Variants in NRXN1 observed in about 807,000 individuals in gnomAD.
NRXN1 encodes neurexin 1, also known as neurexin-1.
NRXN1 carries 39 observed loss-of-function variants against 150.9 expected under a neutral mutation model. That is an observed-to-expected ratio of 0.26 (90% confidence interval 0.20 to 0.34). The LOEUF is 0.34. Ranked by LOEUF, NRXN1 falls within the 10% of genes least tolerant of loss-of-function variation. The pLI is 1.00. For synonymous variants in NRXN1, 924 were observed against 757.0 expected, an observed-to-expected ratio of 1.22 and a Z score of -3.62; for missense variants, 1,815 against 1,949.9, an observed-to-expected ratio of 0.93 and a Z score of 1.30.
chr2:50,706,783 A>T (rs147325573), intron 5 of NRXN1, among the ~76,000 whole-genome samples: 1 of 152,008 alleles, frequency 6.6e-6, no homozygotes, highest in Non-Finnish European at 1.5e-5. Flanking sequence ...GGCAACCAAT[A>T]TAAGTCATAT....
chr2:50,649,903 A>G (rs2104548328), intron 5 of NRXN1, among the ~76,000 whole-genome samples: 1 of 151,954 alleles, frequency 6.6e-6, no homozygotes, highest in East Asian at 1.9e-4. Flanking sequence ...ATGAAGAAAA[A>G]CGAAGCAGCT....
intron 17 of NRXN1, among the ~76,000 whole-genome samples, chr2:50,253,626 T>G (rs1182535295): frequency 6.6e-6 from 1 of 152,210 alleles, no homozygotes; most frequent in Non-Finnish European, 1.5e-5. Context: ...CGTAAAGGGA[T>G]GCTGAATTTT....
At chr2:50,173,511 T>C (rs1002183434) in intron 18 of NRXN1, among the ~76,000 whole-genome samples, 2 of 152,132 alleles carry the variant, frequency 1.3e-5, no homozygotes, top group African/African-American at 4.8e-5. Context: ...CAACGTTCAT[T>C]CAGCCCACAA....
At chr2:50,378,385 T>C (rs1214577288) in intron 17 of NRXN1, among the ~76,000 whole-genome samples, 1 of 152,176 alleles carries the variant, frequency 6.6e-6, no homozygotes, top group Non-Finnish European at 1.5e-5. Flanking sequence ...GCACTTGATC[T>C]ATGGAACACA....
At chr2:50,788,318 G>A (rs545668739) in intron 5 of NRXN1, among the ~76,000 whole-genome samples, 1 of 152,072 alleles carries the variant, frequency 6.6e-6, no homozygotes, top group African/African-American at 2.4e-5. Context: ...TCAATCTCCT[G>A]ACCTCGTGAT....
At chr2:50,744,543 G>T (rs1427486227) in intron 5 of NRXN1, among the ~76,000 whole-genome samples, 2 of 151,770 alleles carry the variant, frequency 1.3e-5, no homozygotes, top group African/African-American at 4.8e-5. Flanking sequence ...TTCATATGCG[G>T]GTATATGGAC....
At chr2:49,973,800 A>G in intron 21 of NRXN1, 1 of 579,064 alleles carries the variant, frequency 1.7e-6, no homozygotes, top group South Asian at 2.3e-5. Context: ...CATAAATTTG[A>G]CATGCAATCT....
chr2:50,736,504 C>T (rs1011387025), intron 5 of NRXN1, among the ~76,000 whole-genome samples: 5 of 152,142 alleles, frequency 3.3e-5, no homozygotes, highest in African/African-American at 1.2e-4. Flanking sequence ...TTGCAGCTCC[C>T]ATAATTCCCA....
intron 8 of NRXN1, among the ~76,000 whole-genome samples, chr2:50,559,660 C>T (rs1362974608): frequency 1.3e-5 from 2 of 152,074 alleles, no homozygotes; most frequent in Non-Finnish European, 2.9e-5. Flanking sequence ...CCCAGATACA[C>T]TATATGTCAA....
intron 5 of NRXN1, among the ~76,000 whole-genome samples, chr2:50,780,834 C>T (rs907795736): frequency 2.6e-5 from 4 of 152,124 alleles, no homozygotes; most frequent in African/African-American, 9.7e-5. Flanking sequence ...TTTTGTTCAT[C>T]TTTGCTTTTC....
chr2:50,398,225 C>T (rs2082168372), intron 17 of NRXN1, among the ~76,000 whole-genome samples: 1 of 152,102 alleles, frequency 6.6e-6, no homozygotes, highest in African/African-American at 2.4e-5. Context: ...TTTGCATTTC[C>T]ACTAAGGTCA....
intron 17 of NRXN1, among the ~76,000 whole-genome samples, chr2:50,306,608 C>A (rs2152958933): frequency 6.6e-6 from 1 of 152,272 alleles, no homozygotes; most frequent in Middle Eastern, 3.4e-3. Context: ...AGTACTTTCC[C>A]CTTTCAAAGA....
At chr2:49,991,164 C>T (rs1296466515) in intron 21 of NRXN1, among the ~76,000 whole-genome samples, 1 of 152,102 alleles carries the variant, frequency 6.6e-6, no homozygotes, top group Non-Finnish European at 1.5e-5. Flanking sequence ...TCCACTAAGA[C>T]TAGAAACAAG....
At chr2:50,857,410 G>T (rs981747954) in intron 5 of NRXN1, among the ~76,000 whole-genome samples, 1 of 152,016 alleles carries the variant, frequency 6.6e-6, no homozygotes, top group Non-Finnish European at 1.5e-5. Flanking sequence ...TGGTTGATTT[G>T]AGGTGTGAAA....
chr2:50,340,332 A>G (rs573818979), intron 17 of NRXN1, among the ~76,000 whole-genome samples: 4 of 152,302 alleles, frequency 2.6e-5, no homozygotes, highest in African/African-American at 9.6e-5. Flanking sequence ...ACAAGCTTCT[A>G]TGTGGAGAGA....
chr2:50,743,858 T>C (rs1281210956), intron 5 of NRXN1, among the ~76,000 whole-genome samples: 2 of 152,298 alleles, frequency 1.3e-5, no homozygotes, highest in Non-Finnish European at 2.9e-5. Context: ...TTCTGAATAA[T>C]TACTGCTTTG....
At chr2:50,371,997 A>G (rs1346846970) in intron 17 of NRXN1, among the ~76,000 whole-genome samples, 2 of 152,014 alleles carry the variant, frequency 1.3e-5, no homozygotes, top group Non-Finnish European at 2.9e-5. Context: ...TCTTTCCTAT[A>G]CCTTCTCACA....
chr2:50,808,532 C>A lies in NRXN1; in HGVS notation c.832+113337G>T, dbSNP rs576486579. On this transcript the variant is annotated intron_variant, in intron 5 of 22. Coordinates refer to ENST00000401669, the MANE Select transcript of NRXN1 (RefSeq NM_001330078.2). ...TTGATTGTACATAGTGTCAAGACAG[C>A]AAACTCAAATGTCTAAAAGGACCAG... 8.6e-5 allele frequency among the ~76,000 whole-genome samples: 13 copies of A among 151,974 alleles called. No homozygotes were observed. The South Asian group carries it at 2.7e-3, about 32-fold the overall frequency.
At chr2:51,010,885 A>G (rs949548230) in intron 2 of NRXN1, among the ~76,000 whole-genome samples, 10 of 151,816 alleles carry the variant, frequency 6.6e-5, no homozygotes, top group African/African-American at 2.2e-4. Flanking sequence ...CCCAGCCTCA[A>G]GCAATCTACC....
Sources: gnomAD v4.1 joint callset for allele counts (sites outside exome capture counted in the v4.1 genomes callset) on GRCh38, gnomAD v4.1.1 for gene constraint, MANE v1.5 for transcripts, NCBI Gene and HGNC (gene_info 2026-07-23, HGNC 2026-07-21) for gene names.